Variants in SGCD observed in about 807,000 individuals in gnomAD.
The protein encoded by SGCD is delta-sarcoglycan.
SGCD carries 18 observed loss-of-function variants against 36.6 expected under a neutral mutation model. The observed-to-expected ratio is 0.49, with a 90% CI of 0.34 to 0.73. The LOEUF (loss-of-function observed/expected upper bound fraction) is 0.73. SGCD is among the 30% of genes least tolerant of loss of function. The probability of loss-of-function intolerance (pLI) is 0.01; values close to 1 mark genes in which losing one functional copy is unlikely to be tolerated. For missense variants in SGCD, 387 were observed against 346.7 expected (o/e 1.12, Z -0.92); for synonymous variants, 133 against 130.6 (o/e 1.02, Z -0.12).
At chr5:156,410,597 A>G (rs1020167900) in intron 3 of SGCD, among the ~76,000 whole-genome samples, 3 of 152,130 alleles carry the variant, frequency 2.0e-5, no homozygotes, top group African/African-American at 7.2e-5. Context: ...TCAAGCACCT[A>G]GCATAGTGCC....
chr5:155,777,130 C>G, the SGCD span, among the ~76,000 whole-genome samples: 2 of 152,084 alleles, frequency 1.3e-5, no homozygotes, highest in Non-Finnish European at 2.9e-5. Context: ...ACTTGATGAT[C>G]TTTTGCAGCC....
At chr5:155,998,292 G>A (rs1758596889) in intron 1 of SGCD, among the ~76,000 whole-genome samples, 1 of 151,968 alleles carries the variant, frequency 6.6e-6, no homozygotes, top group Admixed American at 6.6e-5. Flanking sequence ...TATGTGATCT[G>A]GTATGACACA....
At chr5:156,742,082 T>C (rs1756706069) in intron 7 of SGCD, among the ~76,000 whole-genome samples, 1 of 152,170 alleles carries the variant, frequency 6.6e-6, no homozygotes. Context: ...TCACCCATGT[T>C]AGCCAAGATG....
the SGCD span, among the ~76,000 whole-genome samples, chr5:155,835,461 G>A: frequency 6.6e-6 from 1 of 152,094 alleles, no homozygotes; most frequent in Non-Finnish European, 1.5e-5. Context: ...CCCAGAGAAT[G>A]GCTGTCTCTA....
intron 4 of SGCD, among the ~76,000 whole-genome samples, chr5:156,564,716 G>T (rs1315369588): frequency 6.6e-6 from 1 of 151,690 alleles, no homozygotes; most frequent in Non-Finnish European, 1.5e-5. Flanking sequence ...GACCATTTTA[G>T]GTGCCTTATG....
chr5:156,322,676 C>G (rs1381884800), upstream of SGCD, among the ~76,000 whole-genome samples: 4 of 152,076 alleles, frequency 2.6e-5, no homozygotes, highest in Non-Finnish European at 5.9e-5. Context: ...TTCTAGGAAA[C>G]AGTAATATCT....
At chr5:156,048,113 G>A (rs1309738457) in intron 1 of SGCD, among the ~76,000 whole-genome samples, 1 of 152,058 alleles carries the variant, frequency 6.6e-6, no homozygotes, top group East Asian at 1.9e-4. Context: ...GAGAATGATG[G>A]TTTATAGCTC....
intron 6 of SGCD, among the ~76,000 whole-genome samples, chr5:156,631,262 A>G (rs1382890290): frequency 1.3e-5 from 2 of 152,214 alleles, no homozygotes; most frequent in Non-Finnish European, 2.9e-5. Flanking sequence ...TTTACATTAA[A>G]GCATGTGGAT....
At chr5:155,813,685 G>T in the SGCD span, among the ~76,000 whole-genome samples, 1 of 152,122 alleles carries the variant, frequency 6.6e-6, no homozygotes, top group Non-Finnish European at 1.5e-5. Context: ...GGATTTGATG[G>T]TTTTTCAGGC....
intron 7 of SGCD, among the ~76,000 whole-genome samples, chr5:156,686,989 T>A (rs1753928101): frequency 6.6e-6 from 1 of 152,182 alleles, no homozygotes; most frequent in African/African-American, 2.4e-5. Context: ...TCCAAGCAGC[T>A]CTTTGCACAG....
At chr5:155,956,664 C>A (rs966553654) in intron 1 of SGCD, among the ~76,000 whole-genome samples, 1 of 152,068 alleles carries the variant, frequency 6.6e-6, no homozygotes, top group East Asian at 1.9e-4. Context: ...TTTAGAGAAT[C>A]CATCCTTGGC....
At chr5:156,501,412 A>G (rs1449436949) in intron 3 of SGCD, among the ~76,000 whole-genome samples, 1 of 152,202 alleles carries the variant, frequency 6.6e-6, no homozygotes, top group Non-Finnish European at 1.5e-5. Flanking sequence ...GAGGAAGAAA[A>G]CAAGTTATGT....
chr5:156,682,376 A>G (rs1753753360), intron 7 of SGCD, among the ~76,000 whole-genome samples: 2 of 152,238 alleles, frequency 1.3e-5, no homozygotes, highest in Admixed American at 1.3e-4. Context: ...AGGCATGAGC[A>G]GAAGTGTACA....
At chr5:155,964,119 C>A (rs1757850299) in intron 1 of SGCD, among the ~76,000 whole-genome samples, 1 of 152,116 alleles carries the variant, frequency 6.6e-6, no homozygotes, top group Non-Finnish European at 1.5e-5. Context: ...GACTAGACTG[C>A]ATTTCCCCTT....
chr5:156,628,810 C>T (rs1161843130), intron 6 of SGCD, among the ~76,000 whole-genome samples: 1 of 152,144 alleles, frequency 6.6e-6, no homozygotes, highest in Non-Finnish European at 1.5e-5. Flanking sequence ...GTGACTGAAC[C>T]ACAGGATACC....
At chr5:156,179,970 TA>T (rs1339776242) in intron 3 of SGCD, among the ~76,000 whole-genome samples, 1 of 151,990 alleles carries the variant, frequency 6.6e-6, no homozygotes, top group Non-Finnish European at 1.5e-5. Flanking sequence ...TGCAAACCTA[TA>T]AAAAAATACA....
intron 7 of SGCD, among the ~76,000 whole-genome samples, chr5:156,714,019 G>A (rs1416571221): frequency 1.3e-5 from 2 of 152,216 alleles, no homozygotes; most frequent in Admixed American, 1.3e-4. Context: ...GAAAGGAATT[G>A]CAAATTATAA....
At chr5:155,969,959 G>A (rs77810845) in intron 1 of SGCD, among the ~76,000 whole-genome samples, 2,375 of 151,616 alleles carry the variant, frequency 0.016, 66 homozygotes, top group African/African-American at 0.054. Flanking sequence ...GTGATTTTTC[G>A]TTTTGAAAAA....
At chr5:156,414,514 C>T (rs376755728) in intron 3 of SGCD, among the ~76,000 whole-genome samples, 1 of 152,128 alleles carries the variant, frequency 6.6e-6, no homozygotes, top group South Asian at 2.1e-4. Context: ...CTGTAAAGGG[C>T]CAGATAGTAA....
Sources: allele counts gnomAD v4.1 joint callset (sites outside exome capture counted in the v4.1 genomes callset), GRCh38; gene constraint gnomAD v4.1.1; transcripts MANE v1.5; gene names NCBI Gene and HGNC (gene_info 2026-07-23, HGNC 2026-07-21).